MCTP2: variants seen among roughly 807,000 people sequenced by gnomAD.
MCTP2 encodes multiple C2 and transmembrane domain-containing protein 2.
In MCTP2, 132 loss-of-function variants were observed where a neutral mutation model predicts 111.6. The ratio of observed to expected loss-of-function variants is 1.18; its 90% CI spans 1.03 to 1.37. The LOEUF is 1.37. Among genes scored for constraint, MCTP2 ranks in the 40% most tolerant of loss-of-function variants. MCTP2 has a pLI of 0.00. For missense variants in MCTP2, 1,183 were observed against 1,067.9 expected (o/e 1.11, Z -1.50); for synonymous variants, 395 against 387.7 (o/e 1.02, Z -0.22).
intron 14 of MCTP2, among the ~76,000 whole-genome samples, chr15:94,393,007 A>G (rs939177811): frequency 6.6e-6 from 1 of 152,184 alleles, no homozygotes; most frequent in Non-Finnish European, 1.5e-5. Flanking sequence ...TTTGAGCAAT[A>G]CAAAATTGTA....
intron 4 of MCTP2, among the ~76,000 whole-genome samples, chr15:94,320,433 G>C (rs1011412878): frequency 2.6e-5 from 4 of 152,130 alleles, no homozygotes; most frequent in Non-Finnish European, 5.9e-5. Context: ...GAGCCACTGC[G>C]CCTGGCCCTA....
intron 4 of MCTP2, among the ~76,000 whole-genome samples, chr15:94,316,483 A>G (rs191671643): frequency 1.0e-3 from 153 of 152,318 alleles, no homozygotes; most frequent in Admixed American, 2.0e-3. Flanking sequence ...GATCTGAGAA[A>G]TGTTGCTTGA....
intron 4 of MCTP2, among the ~76,000 whole-genome samples, chr15:94,316,666 T>C (rs552400189): frequency 1.3e-5 from 2 of 152,372 alleles, no homozygotes; most frequent in Non-Finnish European, 2.9e-5. Context: ...ACATTAGTTA[T>C]ATATTGCAAA....
intron 4 of MCTP2, among the ~76,000 whole-genome samples, chr15:94,319,526 C>G (rs2076532573): frequency 6.6e-6 from 1 of 152,178 alleles, no homozygotes; most frequent in Non-Finnish European, 1.5e-5. Flanking sequence ...ATTTGCGTTT[C>G]TAACAAGTTC....
intron 12 of MCTP2, among the ~76,000 whole-genome samples, chr15:94,373,887 G>C (rs1212095273): frequency 6.6e-6 from 1 of 152,204 alleles, no homozygotes; most frequent in Non-Finnish European, 1.5e-5. Context: ...CCAGGCCACA[G>C]CCTTGATTCA....
intron 16 of MCTP2, 93 bp from the exon 17 acceptor site, chr15:94,401,807 C>T: frequency 4.2e-6 from 4 of 961,174 alleles, no homozygotes; most frequent in African/African-American, 1.7e-5. Flanking sequence ...GGGATCTATA[C>T]AAAATATAAT....
In MCTP2 at chr15:94,243,333, ATATG is replaced by A. The variant is rs1567251109; in HGVS notation, c.-66+11670_-66+11673del. ...TACGTATGCGTACATACGTATGCGT[ATATG>A]CGTATGTACATACATACGTATGCGT... On this transcript the variant is annotated intron_variant, in intron 1 of 22. Coordinates refer to ENST00000357742, the MANE Select transcript of MCTP2 (RefSeq NM_001385001.1). Among the ~76,000 whole-genome samples, 195 of 148,560 alleles carry A rather than the reference ATATG, an allele frequency of 1.3e-3. 10 individuals carry two copies. The highest frequency in any genetic ancestry group is 5.3e-3 in the East Asian group (26 of 4,912).
In MCTP2 at chr15:94,483,229, G is replaced by A. The variant is rs955349779; in HGVS notation, c.*4195G>A. ...AGCCATATTCATTATTGAAAACTAT[G>A]TTCTGCACTTATACATTGTTGGTTG... On this transcript the variant is annotated 3_prime_UTR_variant, in exon 23 of 23. Coordinates refer to ENST00000357742, the MANE Select transcript of MCTP2 (RefSeq NM_001385001.1). 2 of 152,184 alleles carry A rather than the reference G, an allele frequency of 1.3e-5. No individual in the cohort carries two copies. Among genetic ancestry groups the A allele is most frequent in the African/African-American group, 2.4e-5 (1 of 41,446 alleles). 9.4% of individuals were successfully genotyped at this position (152,184 alleles called of 1,614,324 possible). A position where few individuals can be genotyped will look rare whatever the true frequency, so the allele number is the denominator to read the frequency against.
At chr15:94,453,720 A>T (rs570508715) in intron 19 of MCTP2, among the ~76,000 whole-genome samples, 1 of 152,320 alleles carries the variant, frequency 6.6e-6, no homozygotes, top group East Asian at 1.9e-4. Flanking sequence ...TCATGTACAG[A>T]TAGTACATTT....
At position 94,243,663 on chromosome 15, in the gene MCTP2, G is replaced by A. The variant is rs571908003; in HGVS notation, c.-66+11999G>A. ...TACATATATATGTATACACATATGC[G>A]TATATATACACATATATGTATACAC... is the stretch of plus-strand genomic sequence containing the variant. On this transcript the variant is annotated intron_variant, in intron 1 of 22. Coordinates refer to ENST00000357742, the MANE Select transcript of MCTP2 (RefSeq NM_001385001.1). Among the ~76,000 whole-genome samples, 1,429 of 146,868 alleles carry A rather than the reference G, an allele frequency of 9.7e-3. 19 individuals carry two copies. Among genetic ancestry groups the A allele is most frequent in the African/African-American group, 0.034 (1,355 of 39,918 alleles).
At chr15:94,284,715 C>T (rs1402419092) in intron 1 of MCTP2, among the ~76,000 whole-genome samples, 2 of 152,136 alleles carry the variant, frequency 1.3e-5, no homozygotes, top group African/African-American at 4.8e-5. Context: ...CAGAGATGTT[C>T]ATAGGCAGTG....
chr15:94,371,970 A>G (rs1204572852), intron 12 of MCTP2, among the ~76,000 whole-genome samples: 1 of 152,326 alleles, frequency 6.6e-6, no homozygotes, highest in Admixed American at 6.5e-5. Context: ...TCATCTCCAA[A>G]GAGTATTTTG....
chr15:94,435,873 C>T (rs368932978), intron 17 of MCTP2, among the ~76,000 whole-genome samples: 16 of 151,704 alleles, frequency 1.1e-4, no homozygotes, highest in South Asian at 2.1e-4. Context: ...CCTCGTGATC[C>T]GCCCGCCTCG....
At chr15:94,249,817 A>AG (rs1207792698) in intron 1 of MCTP2, among the ~76,000 whole-genome samples, 6 of 152,212 alleles carry the variant, frequency 3.9e-5, no homozygotes, top group African/African-American at 1.2e-4. Context: ...CTCTTCAGGT[A>AG]GCTGTCATGA....
Position 94,244,855 on chromosome 15 carries a change from CACAT to C in MCTP2, c.-66+13197_-66+13200del, listed in dbSNP as rs376819381. The stretch of plus-strand genomic sequence containing the variant: ...CTATGTTTATATACGTATATGTATA[CACAT>C]ACATATGCACCTATGTTTATATACG... On this transcript the variant is annotated intron_variant, in intron 1 of 22. Coordinates refer to ENST00000357742, the MANE Select transcript of MCTP2 (RefSeq NM_001385001.1). 4.6e-3 allele frequency among the ~76,000 whole-genome samples: 518 copies of C among 113,112 alleles called. 3 individuals carry two copies. The highest frequency in any genetic ancestry group is 8.1e-3 in the Middle Eastern group (1 of 124). 74.2% of individuals were successfully genotyped at this position (113,112 alleles called of 152,430 possible).
intron 17 of MCTP2, among the ~76,000 whole-genome samples, chr15:94,435,629 C>CTTTTTTTTTTTTTTTTTTTTT (rs202170550): frequency 1.7e-5 from 2 of 117,926 alleles, no homozygotes; most frequent in Admixed American, 8.6e-5. Flanking sequence ...TTTTTTTATT[C>CTTTTTTTTTTTTTTTTTTTTT]TTTTTTTTTT....
intron 1 of MCTP2, among the ~76,000 whole-genome samples, chr15:94,274,450 G>A (rs1276869608): frequency 6.6e-6 from 1 of 151,916 alleles, no homozygotes; most frequent in African/African-American, 2.4e-5. Context: ...ATCAACAGAG[G>A]AAAAATTAAT....
In MCTP2 at chr15:94,370,158, T is replaced by G; in HGVS notation, c.1560T>G (p.Asp520Glu). ...AAGTGAAGGTTTTAAAGGCAGCAGA[T>G]CTCTTAGCGGCAGATTTCTCAGGTA... is the stretch of plus-strand genomic sequence containing the variant. ...ILQVKVLKAA[D>E]LLAADFSGKS... is the part of the protein sequence containing the mutation. Residue 520 changes from aspartate to glutamate, a missense_variant, in exon 12 of 23, where the codon GAT (aspartate) becomes GAG (glutamate). By Grantham distance (45) the Asp-to-Glu change is conservative. Transcript: ENST00000357742. The G allele has an allele frequency of 6.2e-7, 1 of 1,612,970 alleles. No homozygotes were observed. The highest frequency in any genetic ancestry group is 8.5e-7 in the Non-Finnish European group (1 of 1,179,472).
intron 12 of MCTP2, among the ~76,000 whole-genome samples, chr15:94,383,631 A>T (rs2080281594): frequency 6.6e-6 from 1 of 152,242 alleles, no homozygotes; most frequent in South Asian, 2.1e-4. Flanking sequence ...AAAACCACTT[A>T]TAAAACCATC....
Sources: allele counts gnomAD v4.1 joint callset (sites outside exome capture counted in the v4.1 genomes callset), GRCh38; gene constraint gnomAD v4.1.1; transcripts MANE v1.5; gene names NCBI Gene and HGNC (gene_info 2026-07-23, HGNC 2026-07-21).